The following COBLL1 variants were observed in gnomAD, a reference collection of about 807,000 sequenced individuals.
COBLL1 encodes cordon-bleu protein-like 1.
A neutral mutation model predicts 94.8 loss-of-function variants in COBLL1; 50 were observed. That is an observed-to-expected ratio of 0.53 (90% CI 0.42 to 0.67). The LOEUF is 0.67. COBLL1 is among the 30% of genes least tolerant of loss of function. The probability of loss-of-function intolerance (pLI) is 0.00; values close to 1 mark genes in which losing one functional copy is unlikely to be tolerated. For missense variants in COBLL1, 1,362 were observed against 1,348.7 expected, an observed-to-expected ratio of 1.01 and a Z score of -0.15; for synonymous variants, 448 against 473.8, an observed-to-expected ratio of 0.95 and a Z score of 0.71.
chr2:164,741,614 T>A (rs1382390415), intron 3 of COBLL1, among the ~76,000 whole-genome samples: 1 of 151,730 alleles, frequency 6.6e-6, no homozygotes, highest in Non-Finnish European at 1.5e-5. Context: ...AATTCGGCTA[T>A]AATACATTTT....
chr2:164,752,738 A>C (rs142444954), intron 2 of COBLL1, among the ~76,000 whole-genome samples: 402 of 152,248 alleles, frequency 2.6e-3, no homozygotes, highest in African/African-American at 9.0e-3. Context: ...CAGCCCTACC[A>C]CTGAGACAGC....
intron 3 of COBLL1, among the ~76,000 whole-genome samples, chr2:164,732,977 C>G (rs1558963874): frequency 6.6e-6 from 1 of 152,156 alleles, no homozygotes; most frequent in Non-Finnish European, 1.5e-5. Flanking sequence ...ATAGCGTGAA[C>G]CTGGGAAGCG....
chr2:164,682,807 C>A lies in COBLL1; in HGVS notation c.*3139G>T, dbSNP rs1353137589. ...CCAAGATCCCATGACTCATAAGTGG[C>A]AGACTTGTGATCTGAACCCCAATCT... On this transcript the variant is annotated 3_prime_UTR_variant, in exon 14 of 14. Transcript: ENST00000652658. The A allele has an allele frequency of 6.6e-6, 1 of 152,000 alleles. No homozygotes were observed. The highest frequency in any genetic ancestry group is 1.5e-5 in the Non-Finnish European group (1 of 68,008). The allele number at this position is 152,000 out of a possible 1,614,324, so 9.4% of individuals were successfully genotyped here.
At chr2:164,781,560 T>C (rs355900) in intron 2 of COBLL1, among the ~76,000 whole-genome samples, 104,455 of 152,116 alleles carry the variant, frequency 0.69, 37,651 homozygotes, top group African/African-American at 0.92. Context: ...CATATCTTTA[T>C]GGATACTTTA....
chr2:164,755,868 G>T (rs1378194917), intron 2 of COBLL1, among the ~76,000 whole-genome samples: 1 of 152,140 alleles, frequency 6.6e-6, no homozygotes, highest in Non-Finnish European at 1.5e-5. Context: ...AAATCACTAT[G>T]CTGTGCAAGG....
intron 2 of COBLL1, chr2:164,761,251 A>C (rs1360283277): frequency 1.3e-5 from 2 of 152,370 alleles, no homozygotes; most frequent in East Asian, 3.9e-4. Context: ...TCTACTAAAA[A>C]TACAAAATTA....
intron 2 of COBLL1, among the ~76,000 whole-genome samples, chr2:164,660,197 A>T (rs1243418265): frequency 6.6e-6 from 1 of 152,226 alleles, no homozygotes; most frequent in Non-Finnish European, 1.5e-5. Context: ...CTGATAGCAT[A>T]GCACCAAGAA....
chr2:164,659,605 T>C (rs1691037903), intron 2 of COBLL1, among the ~76,000 whole-genome samples: 1 of 152,146 alleles, frequency 6.6e-6, no homozygotes, highest in African/African-American at 2.4e-5. Flanking sequence ...CCTGTATTAT[T>C]GTAACTCCAT....
chr2:164,818,913 G>T (rs1480269548), intron 2 of COBLL1, among the ~76,000 whole-genome samples: 1 of 151,268 alleles, frequency 6.6e-6, no homozygotes, highest in Non-Finnish European at 1.5e-5. Context: ...GAGACTACAG[G>T]TGCATGCCAC....
chr2:164,733,836 A>C (rs1686150862), intron 3 of COBLL1, among the ~76,000 whole-genome samples: 1 of 151,794 alleles, frequency 6.6e-6, no homozygotes, highest in Non-Finnish European at 1.5e-5. Context: ...CTGCACTAAC[A>C]CAGTGGTTAC....
intron 2 of COBLL1, among the ~76,000 whole-genome samples, chr2:164,835,272 T>C (rs1254629470): frequency 6.6e-6 from 1 of 152,162 alleles, no homozygotes; most frequent in Non-Finnish European, 1.5e-5. Flanking sequence ...ACAACCCAAG[T>C]ATCCACTGAT....
chr2:164,802,808 A>C (rs188945706), intron 2 of COBLL1, among the ~76,000 whole-genome samples: 4 of 152,324 alleles, frequency 2.6e-5, no homozygotes, highest in Admixed American at 2.0e-4. Flanking sequence ...GTTGGGAATA[A>C]CATTTTAAAC....
intron 2 of COBLL1, among the ~76,000 whole-genome samples, chr2:164,775,999 C>G (rs929488583): frequency 7.1e-4 from 108 of 151,988 alleles, no homozygotes; most frequent in Non-Finnish European, 5.1e-4. Context: ...AAGAATTTAC[C>G]TTGGTTCATT....
At chr2:164,743,067 T>A (rs914783778) in intron 3 of COBLL1, 1 of 152,174 alleles carries the variant, frequency 6.6e-6, no homozygotes, top group African/African-American at 2.4e-5. Flanking sequence ...AATACCAGTC[T>A]TCTAAATCAC....
In COBLL1 at chr2:164,692,331, T is replaced by TG. The variant is rs747389581; in HGVS notation, c.3189dup (p.Thr1064HisfsTer14). On this transcript the variant is annotated frameshift_variant, in exon 13 of 14. Coordinates refer to ENST00000652658, the MANE Select transcript of COBLL1 (RefSeq NM_001365672.2). LOFTEE classifies it high-confidence loss of function. ...GTTAAAGAACTTTGTCTCATAACAGTGAATGATGGGCCATCAGTTGGAGTT... is the reference window on the plus strand; with the variant it reads ...GTTAAAGAACTTTGTCTCATAACAGTGGAATGATGGGCCATCAGTTGGAGTT... 3.7e-6 allele frequency: 6 copies of TG among 1,613,464 alleles called. No individual in the cohort carries two copies. The highest frequency in any genetic ancestry group is 5.1e-6 in the Non-Finnish European group (6 of 1,179,638).
Position 164,692,420 on chromosome 2 carries a change from T to G in COBLL1, c.3124-23A>C, listed in dbSNP as rs1201637629. The G allele has an allele frequency of 3.2e-6, 5 of 1,565,374 alleles. No homozygotes were observed. The South Asian group carries it at 3.5e-5, about 11-fold the overall frequency. On this transcript the variant is annotated intron_variant, in intron 12 of 13. Transcript: ENST00000652658. The stretch of plus-strand genomic sequence containing the variant: ...TTCCTACAAAAATAAATGTGAAATA[T>G]TTATATGAATGCCAAGAAAAGAATG...
chr2:164,791,178 A>AT (rs1323771146), intron 2 of COBLL1, among the ~76,000 whole-genome samples: 2 of 152,150 alleles, frequency 1.3e-5, no homozygotes, highest in South Asian at 2.1e-4. Context: ...TCTGCTAAGT[A>AT]TTTTTTGCAG....
At chr2:164,748,314 T>G (rs1282947426) in intron 2 of COBLL1, among the ~76,000 whole-genome samples, 1 of 152,148 alleles carries the variant, frequency 6.6e-6, no homozygotes, top group African/African-American at 2.4e-5. Flanking sequence ...AGCAAAATTT[T>G]GAAAATATCT....
In COBLL1 at chr2:164,673,347, G is replaced by A. The variant is rs139782474; in HGVS notation, n.127-7446C>T. Among the ~76,000 whole-genome samples, 13 of 152,266 alleles carry A rather than the reference G, an allele frequency of 8.5e-5. No individual in the cohort carries two copies. In the East Asian group the frequency reaches 2.5e-3, roughly 29 times the overall value. On this transcript the variant is annotated intron_variant and non_coding_transcript_variant, in intron 1 of 2. Coordinates refer to the COBLL1 transcript ENST00000495084. ...ATAGTACTTTATATTGCGGGTACTT[G>A]GTGAATGTTTTTAAGCTCGATCAGT...
Sources: allele counts gnomAD v4.1 joint callset (sites outside exome capture counted in the v4.1 genomes callset), GRCh38; gene constraint gnomAD v4.1.1; transcripts MANE v1.5; gene names NCBI Gene and HGNC (gene_info 2026-07-23, HGNC 2026-07-21).